Variants in FAM133B observed in about 807,000 individuals in gnomAD.
FAM133B encodes family with sequence similarity 133 member B.
In FAM133B, 25 loss-of-function variants were observed where a neutral mutation model predicts 46.4. The ratio of observed to expected loss-of-function variants is 0.54; its 90% CI spans 0.39 to 0.75. FAM133B has a LOEUF of 0.75. Ranked by LOEUF, FAM133B falls within the 30% of genes least tolerant of loss-of-function variation. The probability of loss-of-function intolerance (pLI) is 0.00; values close to 1 mark genes in which losing one functional copy is unlikely to be tolerated. For synonymous variants in FAM133B, 75 were observed against 86.0 expected (o/e 0.87, Z 0.71); for missense variants, 205 against 277.6 (o/e 0.74, Z 1.86).
chr7:92,588,498 ACCTACAG>A (rs1432489312), intron 1 of FAM133B, among the ~76,000 whole-genome samples: 1 of 152,168 alleles, frequency 6.6e-6, no homozygotes, highest in Non-Finnish European at 1.5e-5. Flanking sequence ...ACAAAGTCTC[ACCTACAG>A]CCAGGAGAAA....
rs1795167760 is a variant in FAM133B, at chr7:92,590,343, A to ACTGCCGAAGAGGGC, written c.-66_-53dup. On this transcript the variant is annotated 5_prime_UTR_variant, in exon 1 of 11. Transcript: ENST00000445716. ...CGCCGAGGGAAACCGGGCCGGAGAGACTGCCGAAGAGGGCCTGCCGCAGGT... is the reference window on the plus strand; with the variant it reads ...CGCCGAGGGAAACCGGGCCGGAGAGACTGCCGAAGAGGGCCTGCCGAAGAGGGCCTGCCGCAGGT... 1.2e-6 allele frequency: 2 copies of ACTGCCGAAGAGGGC among 1,611,286 alleles called. No homozygotes were observed. Among genetic ancestry groups the ACTGCCGAAGAGGGC allele is most frequent in the East Asian group, 2.2e-5 (1 of 44,738 alleles).
At chr7:92,572,472 C>A (rs1034929534) in intron 8 of FAM133B, among the ~76,000 whole-genome samples, 4 of 152,220 alleles carry the variant, frequency 2.6e-5, no homozygotes, top group Non-Finnish European at 4.4e-5. Context: ...GTAATCCCAG[C>A]ACTTTGGGAG....
In FAM133B at chr7:92,578,362, T is replaced by G; in HGVS notation, c.233A>C (p.Glu78Ala). Residue 78 changes from glutamate to alanine, a missense_variant, in exon 4 of 11, where the codon GAG (glutamate) becomes GCG (alanine). Transcript: ENST00000445716. ...GCTCTCACTTCCACTTAACAATTTC[T>G]CCCTGTGTTTTTCCAGTTCTTTCTT... ...NWKKELEKHR[E>A]KLLSGSESSS... The G allele has an allele frequency of 6.2e-7, 1 of 1,613,532 alleles. No individual in the cohort carries two copies. The highest frequency in any genetic ancestry group is 1.1e-5 in the South Asian group (1 of 91,028).
intron 7 of FAM133B, among the ~76,000 whole-genome samples, chr7:92,576,098 T>C (rs576214815): frequency 2.6e-5 from 4 of 152,358 alleles, no homozygotes; most frequent in African/African-American, 9.6e-5. Context: ...GGACTTCGTG[T>C]CATTGCCTGT....
chr7:92,571,641 A>AT (rs1794534216), intron 8 of FAM133B, among the ~76,000 whole-genome samples: 1 of 152,052 alleles, frequency 6.6e-6, no homozygotes, highest in African/African-American at 2.4e-5. Flanking sequence ...CCAGCTTTAT[A>AT]TTTTCCAAAT....
chr7:92,579,476 T>TA, intron 2 of FAM133B, 81 bp from the exon 3 acceptor site: 1 of 896,400 alleles, frequency 1.1e-6, no homozygotes, highest in Non-Finnish European at 1.7e-6. Flanking sequence ...CAAAATTTCA[T>TA]AAACTCTTCT....
chr7:92,578,467 T>G (rs1794768790), intron 3 of FAM133B, 74 bp from the exon 4 acceptor site: 7 of 1,290,484 alleles, frequency 5.4e-6, no homozygotes, highest in Non-Finnish European at 6.6e-6. Flanking sequence ...AGACAGCCAC[T>G]GCTTCCTTCC....
At chr7:92,565,554 C>G (rs1273320352) in intron 10 of FAM133B, 2 of 160,380 alleles carry the variant, frequency 1.2e-5, no homozygotes, top group African/African-American at 4.8e-5. Context: ...AGCTCTGCCT[C>G]CCGGGTTCAC....
chr7:92,564,229 T>G (rs1339632058), intron 10 of FAM133B, among the ~76,000 whole-genome samples: 1 of 152,230 alleles, frequency 6.6e-6, no homozygotes, highest in African/African-American at 2.4e-5. Context: ...TCCTTTGATA[T>G]TCACATGGTT....
intron 1 of FAM133B, among the ~76,000 whole-genome samples, chr7:92,583,819 C>G (rs915600972): frequency 1.3e-3 from 191 of 151,748 alleles, no homozygotes; most frequent in African/African-American, 4.3e-3. Context: ...GAGGCTGGGG[C>G]GGGTGGATCA....
At chr7:92,584,391 A>G (rs1402922749) in intron 1 of FAM133B, among the ~76,000 whole-genome samples, 2 of 152,228 alleles carry the variant, frequency 1.3e-5, no homozygotes, top group Non-Finnish European at 2.9e-5. Context: ...TCCCACCTTT[A>G]TAACAGATAA....
intron 8 of FAM133B, among the ~76,000 whole-genome samples, chr7:92,574,687 T>C (rs947307589): frequency 1.3e-5 from 2 of 150,232 alleles, no homozygotes; most frequent in Non-Finnish European, 3.0e-5. Flanking sequence ...GGGTGGATCA[T>C]GAGGTCAGGA....
chr7:92,590,377 C>G lies in FAM133B; in HGVS notation c.-86G>C. 6.3e-7 allele frequency: 1 copy of G among 1,591,008 alleles called. No homozygotes were observed. ...GAGGGCCTGCCGCAGGTCCTCTTGC[C>G]GCCTCCCCACTCCGCCTAGAGAGCG... On this transcript the variant is annotated 5_prime_UTR_variant, in exon 1 of 11. Coordinates refer to ENST00000445716, the MANE Select transcript of FAM133B (RefSeq NM_152789.4).
At chr7:92,565,324 AT>A (rs1361599092) in intron 10 of FAM133B, among the ~76,000 whole-genome samples, 234 of 127,504 alleles carry the variant, frequency 1.8e-3, no homozygotes, top group Middle Eastern at 4.4e-3. Context: ...TAATTTTTGT[AT>A]TTTTTTTTTT....
chr7:92,582,228 G>T (rs113413807), intron 1 of FAM133B, among the ~76,000 whole-genome samples: 1 of 148,596 alleles, frequency 6.7e-6, no homozygotes, highest in Non-Finnish European at 1.5e-5. Context: ...CAGCCTGGGC[G>T]ACAGAGCGAC....
At chr7:92,566,701 T>C (rs1307346539) in intron 9 of FAM133B, among the ~76,000 whole-genome samples, 1 of 152,180 alleles carries the variant, frequency 6.6e-6, no homozygotes, top group Non-Finnish European at 1.5e-5. Flanking sequence ...CTGAATCCTA[T>C]CTTACTCTCA....
At chr7:92,574,348 T>C (rs1417238990) in intron 8 of FAM133B, among the ~76,000 whole-genome samples, 1 of 152,222 alleles carries the variant, frequency 6.6e-6, no homozygotes, top group Non-Finnish European at 1.5e-5. Context: ...ACTGCTTTTA[T>C]ATGATAAATC....
At chr7:92,564,019 G>C (rs761135739) in intron 10 of FAM133B, among the ~76,000 whole-genome samples, 1 of 152,154 alleles carries the variant, frequency 6.6e-6, no homozygotes, top group Non-Finnish European at 1.5e-5. Flanking sequence ...CCTCAGAACA[G>C]CTTCTTATAA....
At position 92,577,201 on chromosome 7, in the gene FAM133B, T is replaced by TA; in HGVS notation, c.373-7dup. 6.9e-7 allele frequency: 1 copy of TA among 1,453,692 alleles called. No individual in the cohort carries two copies. The allele number at this position is 1,453,692 out of a possible 1,614,324, so 90.0% of individuals were successfully genotyped here. On this transcript the variant is annotated splice_region_variant and splice_polypyrimidine_tract_variant and intron_variant, in intron 6 of 10. Transcript: ENST00000445716. Reference sequence around the variant, plus strand: ...CGTTTTCCTTGTTTCTTATCCTACATAAAATATTTTTAGAAACATTTGCTT... The same window carrying TA: ...CGTTTTCCTTGTTTCTTATCCTACATAAAAATATTTTTAGAAACATTTGCTT...
Sources: allele counts gnomAD v4.1 joint callset (sites outside exome capture counted in the v4.1 genomes callset), GRCh38; gene constraint gnomAD v4.1.1; transcripts MANE v1.5; gene names NCBI Gene and HGNC (gene_info 2026-07-23, HGNC 2026-07-21).